Variants in SLC7A1 observed in about 807,000 individuals in gnomAD.
The protein encoded by SLC7A1 is solute carrier family 7 member 1.
SLC7A1 carries 10 observed loss-of-function variants against 53.9 expected under a neutral mutation model. The ratio of observed to expected loss-of-function variants is 0.19; its 90% CI spans 0.11 to 0.31. SLC7A1 has a LOEUF of 0.31. SLC7A1 is among the 10% of genes least tolerant of loss of function. The pLI is 1.00. For synonymous variants in SLC7A1, 342 were observed against 338.7 expected, an observed-to-expected ratio of 1.01 and a Z score of -0.11; for missense variants, 525 against 827.2, an observed-to-expected ratio of 0.63 and a Z score of 4.48.
At position 29,519,349 on chromosome 13, in the gene SLC7A1, TAA is replaced by T. The variant is rs918326665; in HGVS notation, c.1292+96_1292+97del. ...GCTCCCAATGGAGCTATCACCAACC[TAA>T]AAGTTTCATTCATCACATAAACCAT... On this transcript the variant is annotated intron_variant, in intron 9 of 12. Transcript: ENST00000380752. The T allele has an allele frequency of 8.4e-6, 6 of 717,262 alleles. No homozygotes were observed. The African/African-American group carries it at 1.1e-4, about 13-fold the overall frequency. The allele number at this position is 717,262 out of a possible 1,614,324, so 44.4% of individuals were successfully genotyped here. A position where few individuals can be genotyped will look rare whatever the true frequency, so the allele number is the denominator to read the frequency against.
At chr13:29,587,209 T>C (rs1265400393) in intron 1 of SLC7A1, among the ~76,000 whole-genome samples, 2 of 152,210 alleles carry the variant, frequency 1.3e-5, no homozygotes, top group Admixed American at 1.3e-4. Flanking sequence ...AATGACGTAG[T>C]AGCTTCTAAG....
Position 29,510,476 on chromosome 13 carries a change from A to G in SLC7A1, c.*4004T>C, listed in dbSNP as rs1322298586. The G allele has an allele frequency of 1.3e-5, 2 of 152,426 alleles. No individual in the cohort carries two copies. The highest frequency in any genetic ancestry group is 4.8e-5 in the African/African-American group (2 of 41,452). 9.4% of individuals were successfully genotyped at this position (152,426 alleles called of 1,614,324 possible). On this transcript the variant is annotated 3_prime_UTR_variant, in exon 13 of 13. Coordinates refer to ENST00000380752, the MANE Select transcript of SLC7A1 (RefSeq NM_003045.5). ...TCCCTCTCCCTTCAGAGCCTTACATATAATCTTCTCATGACGATGGCAAAC... is the reference window on the plus strand; with the variant it reads ...TCCCTCTCCCTTCAGAGCCTTACATGTAATCTTCTCATGACGATGGCAAAC...
At position 29,530,722 on chromosome 13, in the gene SLC7A1, T is replaced by G; in HGVS notation, c.530-10A>C. The G allele has an allele frequency of 6.2e-7, 1 of 1,612,120 alleles. No individual in the cohort carries two copies. On this transcript the variant is annotated splice_polypyrimidine_tract_variant and intron_variant, in intron 4 of 12. Coordinates refer to ENST00000380752, the MANE Select transcript of SLC7A1 (RefSeq NM_003045.5). Reference sequence around the variant, plus strand: ...CCAAGAGTTAAAAGTCCTGAAAAAGTGCATAGACACAAAACTTTGTCTGAG... The same window carrying G: ...CCAAGAGTTAAAAGTCCTGAAAAAGGGCATAGACACAAAACTTTGTCTGAG...
At chr13:29,534,295 G>A (rs373104309) in intron 3 of SLC7A1, among the ~76,000 whole-genome samples, 1 of 152,132 alleles carries the variant, frequency 6.6e-6, no homozygotes, top group African/African-American at 2.4e-5. Context: ...CGGCACTCTC[G>A]CAGAGCCTTA....
At chr13:29,532,720 G>A in intron 4 of SLC7A1, 104 bp downstream of exon 4, 1 of 1,012,848 alleles carries the variant, frequency 9.9e-7, no homozygotes, top group Admixed American at 2.5e-5. Flanking sequence ...AAGAAATGGG[G>A]GTTATGGTTA....
At chr13:29,583,303 G>A (rs531306741) in intron 1 of SLC7A1, among the ~76,000 whole-genome samples, 50 of 152,354 alleles carry the variant, frequency 3.3e-4, no homozygotes, top group Middle Eastern at 6.8e-3. Context: ...TGGATATGGG[G>A]CAGTATTGCT....
At chr13:29,542,681 CAA>C (rs141880332) in intron 2 of SLC7A1, among the ~76,000 whole-genome samples, 11 of 137,388 alleles carry the variant, frequency 8.0e-5, no homozygotes, top group Admixed American at 7.2e-5. Flanking sequence ...GACCCTGTTT[CAA>C]AAAAAAAAAA....
chr13:29,517,648 T>G lies in SLC7A1; in HGVS notation c.1435A>C (p.Thr479Pro). 1 of 1,614,116 alleles carries G rather than the reference T, an allele frequency of 6.2e-7. No individual in the cohort carries two copies. The highest frequency in any genetic ancestry group is 8.5e-7 in the Non-Finnish European group (1 of 1,180,032). ...LPEAEMFSLK[T>P]ILSPKNMEPS... ...TCCATGTTTTTGGGTGAGAGTATGG[T>G]TTTCAAAGAGAACATCTCTGCCTCT... is the stretch of plus-strand genomic sequence containing the variant. Residue 479 changes from threonine to proline, a missense_variant, in exon 10 of 13, where the codon ACC becomes CCC. Thr to Pro is a conservative substitution (Grantham distance 38). Around this residue, in one of 4 missense-constraint regions of SLC7A1, gnomAD observed 122 missense variants for 140.9 expected, o/e 0.87. Transcript: ENST00000380752.
chr13:29,538,709 C>T (rs1289814898), intron 2 of SLC7A1, among the ~76,000 whole-genome samples: 22 of 152,212 alleles, frequency 1.4e-4, no homozygotes, highest in Admixed American at 1.4e-3. Context: ...CACAACAAAG[C>T]GTTTAGTAAA....
At chr13:29,580,290 G>C (rs1416474490) in intron 1 of SLC7A1, among the ~76,000 whole-genome samples, 1 of 152,184 alleles carries the variant, frequency 6.6e-6, no homozygotes, top group Non-Finnish European at 1.5e-5. Context: ...GGACTCCCGA[G>C]GCCAGGCAGG....
chr13:29,591,116 T>C (rs1377914596), intron 1 of SLC7A1, among the ~76,000 whole-genome samples: 1 of 151,908 alleles, frequency 6.6e-6, no homozygotes, highest in African/African-American at 2.4e-5. Flanking sequence ...TCTCAAAATA[T>C]ATATATATTT....
intron 8 of SLC7A1, among the ~76,000 whole-genome samples, chr13:29,521,487 T>TGCACATCTTCGCTTCACCTCCCTGGGC (rs1868627502): frequency 6.6e-6 from 1 of 152,198 alleles, no homozygotes; most frequent in African/African-American, 2.4e-5. Flanking sequence ...CCGCCCTGGG[T>TGCACATCTTCGCTTCACCTCCCTGGGC]GCACATCCTC....
Position 29,517,243 on chromosome 13 carries a change from C to T in SLC7A1, c.1578G>A (p.Leu526=), listed in dbSNP as rs762026455. Residue 526 remains leucine, a synonymous_variant, in exon 11 of 13, where the codon CTG becomes CTA. Transcript: ENST00000380752. The part of the protein sequence containing the change: ...LGREALTKGA[L]WAVFLLAGSA... ...ACCCTGCGAGCAGAAAGACTGCCCA[C>T]AGCGCCCCTTTGGTGAGAGCCTCCC... The T allele has an allele frequency of 1.9e-6, 3 of 1,613,330 alleles. No homozygotes were observed. The highest frequency in any genetic ancestry group is 1.1e-5 in the South Asian group (1 of 90,876).
At position 29,535,934 on chromosome 13, in the gene SLC7A1, G is replaced by A. The variant is rs1869394843; in HGVS notation, c.255C>T (p.Gly85=). 1.2e-6 allele frequency: 2 copies of A among 1,614,122 alleles called. No homozygotes were observed. Among genetic ancestry groups the A allele is most frequent in the Non-Finnish European group, 1.7e-6 (2 of 1,180,020 alleles). The change falls in exon 3 of 13, where the codon GGC becomes GGT. Residue 85 remains glycine (G), a synonymous_variant. Coordinates refer to ENST00000380752, the MANE Select transcript of SLC7A1 (RefSeq NM_003045.5). ...LASVLAGLCY[G]EFGARVPKTG... ...TCTTGGGGACCCGAGCACCAAACTCGCCATAGCACAGGCCAGCCAGCACTG... is the reference window on the plus strand; with the variant it reads ...TCTTGGGGACCCGAGCACCAAACTCACCATAGCACAGGCCAGCCAGCACTG...
intron 1 of SLC7A1, among the ~76,000 whole-genome samples, chr13:29,588,423 G>T (rs1209539669): frequency 6.6e-6 from 1 of 152,096 alleles, no homozygotes; most frequent in Non-Finnish European, 1.5e-5. Context: ...AGAATAGAAG[G>T]AGGCAAAACA....
At chr13:29,533,983 C>T (rs755277832) in intron 3 of SLC7A1, among the ~76,000 whole-genome samples, 2 of 152,150 alleles carry the variant, frequency 1.3e-5, no homozygotes, top group Non-Finnish European at 2.9e-5. Context: ...AGTATCTTTC[C>T]AACAACTCAG....
intron 1 of SLC7A1, chr13:29,586,842 C>A (rs903495586): frequency 6.6e-6 from 1 of 152,252 alleles, no homozygotes; most frequent in Non-Finnish European, 1.5e-5. Context: ...CCTCTTTGAT[C>A]GAAGAGAACA....
At chr13:29,563,998 G>A (rs1870868593) in intron 1 of SLC7A1, among the ~76,000 whole-genome samples, 1 of 152,094 alleles carries the variant, frequency 6.6e-6, no homozygotes, top group Non-Finnish European at 1.5e-5. Context: ...TCCTAAGCTC[G>A]GAGAGCTGGA....
intron 2 of SLC7A1, among the ~76,000 whole-genome samples, chr13:29,539,593 C>T (rs1013195692): frequency 3.3e-5 from 5 of 152,160 alleles, no homozygotes; most frequent in African/African-American, 9.7e-5. Flanking sequence ...TGCACAGCTG[C>T]GCTCATTTCC....
Sources: gnomAD v4.1 joint callset for allele counts (sites outside exome capture counted in the v4.1 genomes callset) on GRCh38, gnomAD v4.1.1 for gene constraint, gnomAD v4.1.1 regional missense constraint, MANE v1.5 for transcripts, NCBI Gene and HGNC (gene_info 2026-07-23, HGNC 2026-07-21) for gene names.